The following LRP1B variants were observed in gnomAD, a reference collection of about 807,000 sequenced individuals.
LRP1B encodes the protein low-density lipoprotein receptor-related protein 1B.
In LRP1B, 217 loss-of-function variants were observed where a neutral mutation model predicts 556.6. The observed-to-expected ratio is 0.39, with a 90% CI of 0.35 to 0.44. The LOEUF (loss-of-function observed/expected upper bound fraction) is 0.44, where lower values mean the gene tolerates loss of function less well. Ranked by LOEUF, LRP1B falls within the 20% of genes least tolerant of loss-of-function variation. The pLI, the probability that LRP1B is intolerant of heterozygous loss-of-function variation, is 1.00. For missense variants in LRP1B, 5,053 were observed against 5,620.8 expected (o/e 0.90, Z 3.23); for synonymous variants, 2,047 against 1,865.8 (o/e 1.10, Z -2.50).
At chr2:140,326,294 A>G (rs1033746370) in intron 79 of LRP1B, among the ~76,000 whole-genome samples, 7 of 152,156 alleles carry the variant, frequency 4.6e-5, no homozygotes, top group Non-Finnish European at 8.8e-5. Flanking sequence ...TAGTATATGT[A>G]TTTTTAATTC....
At position 141,712,836 on chromosome 2, in the gene LRP1B, A is replaced by ATTTTTT. The variant is rs1192189235; in HGVS notation, c.205+97437_205+97442dup. Among the ~76,000 whole-genome samples, 202 of 103,332 alleles carry ATTTTTT rather than the reference A, an allele frequency of 2.0e-3. 4 individuals are homozygous for ATTTTTT. Among genetic ancestry groups the ATTTTTT allele is most frequent in the African/African-American group, 5.4e-3 (140 of 26,002 alleles). 67.8% of individuals were successfully genotyped at this position (103,332 alleles called of 152,430 possible). ...AGGTGCCTGCCACCATGCCCAGCTA[A>ATTTTTT]TTTTTTTTTTTTTTTTTTTTTTTAG... On this transcript the variant is annotated intron_variant, in intron 2 of 90. Coordinates refer to ENST00000389484, the MANE Select transcript of LRP1B (RefSeq NM_018557.3).
intron 7 of LRP1B, among the ~76,000 whole-genome samples, chr2:141,116,317 C>A (rs561535736): frequency 1.4e-4 from 22 of 152,210 alleles, no homozygotes; most frequent in African/African-American, 4.8e-4. Context: ...AAATTTGTAA[C>A]TGTATGTTCA....
intron 1 of LRP1B, among the ~76,000 whole-genome samples, chr2:142,091,816 A>G (rs541625318): frequency 1.3e-5 from 2 of 152,318 alleles, no homozygotes; most frequent in East Asian, 1.9e-4. Flanking sequence ...TCTTGCAGCT[A>G]CGGATGAGCA....
intron 1 of LRP1B, among the ~76,000 whole-genome samples, chr2:141,848,140 A>G (rs1372826081): frequency 6.6e-6 from 1 of 151,594 alleles, no homozygotes; most frequent in East Asian, 1.9e-4. Context: ...TTAGAAAGTA[A>G]ATGACACATA....
At chr2:140,442,758 G>A (rs1000864250) in intron 65 of LRP1B, 135 bp from the exon 66 acceptor site, 1 of 780,540 alleles carries the variant, frequency 1.3e-6, no homozygotes, top group Middle Eastern at 3.3e-4. Flanking sequence ...CTCTGAAGGT[G>A]AGGAATTTTA....
At chr2:141,751,375 T>G (rs915533825) in intron 2 of LRP1B, among the ~76,000 whole-genome samples, 2 of 152,192 alleles carry the variant, frequency 1.3e-5, no homozygotes, top group African/African-American at 4.8e-5. Context: ...AATTCATCTT[T>G]ACTGTAGTTT....
intron 5 of LRP1B, among the ~76,000 whole-genome samples, chr2:141,241,483 T>C (rs1165062568): frequency 6.6e-6 from 1 of 152,064 alleles, no homozygotes; most frequent in East Asian, 1.9e-4. Context: ...ACAGTGCTTC[T>C]CAAACTACTG....
intron 2 of LRP1B, among the ~76,000 whole-genome samples, chr2:141,517,553 CT>C (rs1470123249): frequency 6.6e-6 from 1 of 152,148 alleles, no homozygotes; most frequent in Non-Finnish European, 1.5e-5. Flanking sequence ...GGAATCCCAT[CT>C]TCTGAAAACC....
At chr2:142,074,049 A>G (rs567208573) in intron 1 of LRP1B, among the ~76,000 whole-genome samples, 6 of 151,710 alleles carry the variant, frequency 4.0e-5, no homozygotes, top group East Asian at 1.9e-4. Flanking sequence ...CTAATATACC[A>G]TCTCTTTTCT....
At chr2:140,446,076 G>A (rs1282259534) in intron 63 of LRP1B, among the ~76,000 whole-genome samples, 2 of 152,050 alleles carry the variant, frequency 1.3e-5, no homozygotes, top group Non-Finnish European at 2.9e-5. Flanking sequence ...AATGTTGAAA[G>A]TTATTTGCTT....
chr2:141,477,184 A>AT lies in LRP1B; in HGVS notation c.343+3211dup, dbSNP rs1682744751. Among the ~76,000 whole-genome samples the AT allele has an allele frequency of 5.9e-5, 9 of 151,482 alleles. No individual in the cohort carries two copies. The South Asian group carries it at 1.2e-3, about 21-fold the overall frequency. On this transcript the variant is annotated intron_variant, in intron 3 of 90. Coordinates refer to ENST00000389484, the MANE Select transcript of LRP1B (RefSeq NM_018557.3). ...ACAAACAAACAAAAAAACCACATCCATTTTTTAATCATATCTTAGGCTTTA... is the reference window on the plus strand; with the variant it reads ...ACAAACAAACAAAAAAACCACATCCATTTTTTTAATCATATCTTAGGCTTTA...
At chr2:141,233,111 T>C (rs1683532190) in intron 5 of LRP1B, among the ~76,000 whole-genome samples, 1 of 152,196 alleles carries the variant, frequency 6.6e-6, no homozygotes, top group African/African-American at 2.4e-5. Context: ...CCTTAGTCAA[T>C]GGACAGTTTT....
At chr2:140,995,277 C>T (rs974732519) in intron 15 of LRP1B, among the ~76,000 whole-genome samples, 1 of 152,054 alleles carries the variant, frequency 6.6e-6, no homozygotes, top group Non-Finnish European at 1.5e-5. Flanking sequence ...TTCCAACCTT[C>T]TCTTTGTTTT....
At chr2:140,671,248 C>T (rs989340744) in intron 41 of LRP1B, among the ~76,000 whole-genome samples, 3 of 152,126 alleles carry the variant, frequency 2.0e-5, no homozygotes, top group South Asian at 2.1e-4. Flanking sequence ...TGGCCGGGCG[C>T]GGTGGCTCAC....
Position 140,352,385 on chromosome 2 carries a change from A to G in LRP1B, c.11650+568T>C, listed in dbSNP as rs924388418. On this transcript the variant is annotated intron_variant, in intron 76 of 90. Transcript: ENST00000389484. ...GAGACGGGGTTTCACCATGTTGGTC[A>G]GGTTGTTCTTGAACTCCTGATCTCG... is the stretch of plus-strand genomic sequence containing the variant. 5.3e-5 allele frequency among the ~76,000 whole-genome samples: 8 copies of G among 152,102 alleles called. No individual in the cohort carries two copies. The South Asian group carries it at 1.7e-3, about 31-fold the overall frequency.
chr2:141,489,394 G>A (rs760247270), intron 2 of LRP1B, among the ~76,000 whole-genome samples: 23 of 151,758 alleles, frequency 1.5e-4, no homozygotes, highest in Admixed American at 6.6e-4. Context: ...TAATTTTTAT[G>A]TAGTTATTAT....
In LRP1B at chr2:141,369,004, T is replaced by C. The variant is rs549511474; in HGVS notation, c.343+111392A>G. Among the ~76,000 whole-genome samples, 13 of 152,286 alleles carry C rather than the reference T, an allele frequency of 8.5e-5. 1 individual carries two copies. Among genetic ancestry groups the C allele is most frequent in the Middle Eastern group, 6.8e-3 (2 of 294 alleles). On this transcript the variant is annotated intron_variant, in intron 3 of 90. Transcript: ENST00000389484. ...GGAAACATGCTGATCTTAAACAGAA[T>C]TGTACACAAAGTGCTTGGTAATATA...
chr2:140,760,710 A>T (rs1688890402), intron 35 of LRP1B, among the ~76,000 whole-genome samples: 1 of 151,954 alleles, frequency 6.6e-6, no homozygotes, highest in African/African-American at 2.4e-5. Context: ...CATGGAAAAA[A>T]CCCTGTCTCT....
chr2:140,283,514 A>G (rs1223981204), intron 84 of LRP1B, among the ~76,000 whole-genome samples: 1 of 150,800 alleles, frequency 6.6e-6, no homozygotes. Flanking sequence ...AAATATTTCT[A>G]TATAAAGGAA....
Sources: allele counts gnomAD v4.1 joint callset (sites outside exome capture counted in the v4.1 genomes callset), GRCh38; gene constraint gnomAD v4.1.1; transcripts MANE v1.5; gene names NCBI Gene and HGNC (gene_info 2026-07-23, HGNC 2026-07-21).